Variants in ABL1 observed in about 807,000 individuals in gnomAD.
ABL1 encodes ABL proto-oncogene 1, non-receptor tyrosine kinase.
A neutral mutation model predicts 94.7 loss-of-function variants in ABL1; 11 were observed. That is an observed-to-expected ratio of 0.12 (90% CI 0.07 to 0.19). The LOEUF (loss-of-function observed/expected upper bound fraction) is 0.19. Among genes scored for constraint, ABL1 ranks in the 10% least tolerant of loss-of-function variants. The pLI is 1.00. For missense variants in ABL1, 1,082 were observed against 1,489.4 expected, an observed-to-expected ratio of 0.73 and a Z score of 4.50; for synonymous variants, 656 against 622.4, an observed-to-expected ratio of 1.05 and a Z score of -0.80.
chr9:130,871,017 C>G (rs1343665423), intron 4 of ABL1, among the ~76,000 whole-genome samples: 1 of 152,170 alleles, frequency 6.6e-6, no homozygotes, highest in African/African-American at 2.4e-5. Flanking sequence ...ATACAAGGTT[C>G]TACGTTTAAT....
rs767096186 is a variant in ABL1 at position 130,862,831 on chromosome 9, C to T, written c.618C>T (p.Ala206=). The change falls in exon 4 of 11, where the codon GCC becomes GCT. Residue 206 remains alanine (A), a synonymous_variant. Coordinates refer to ENST00000318560, the MANE Select transcript of ABL1 (RefSeq NM_005157.6). This position sits in a 1 kb window ranked among gnomAD's most constrained non-coding sequence, Gnocchi z 5.5. Reference sequence around the variant, plus strand: ...TGGTTCATCATCATTCAACGGTGGCCGACGGGCTCATCACCACGCTCCATT... The same window carrying T: ...TGGTTCATCATCATTCAACGGTGGCTGACGGGCTCATCACCACGCTCCATT... ...AELVHHHSTV[A]DGLITTLHYP... is the part of the protein sequence containing the mutation. The T allele has an allele frequency of 5.6e-6, 9 of 1,613,908 alleles. No homozygotes were observed. Among genetic ancestry groups the T allele is most frequent in the East Asian group, 2.2e-5 (1 of 44,880 alleles).
intron 1 of ABL1, among the ~76,000 whole-genome samples, chr9:130,754,365 A>C (rs7021173): frequency 2.0e-5 from 3 of 148,700 alleles, no homozygotes; most frequent in South Asian, 4.2e-4. Context: ...AAAATTAGCC[A>C]GGCGTGGTGG....
intron 1 of ABL1, among the ~76,000 whole-genome samples, chr9:130,745,234 G>A (rs969419138): frequency 6.6e-5 from 10 of 151,776 alleles, no homozygotes; most frequent in South Asian, 2.1e-4. Flanking sequence ...ACAGGCATGC[G>A]CCGCCACACC....
Position 130,835,669 on chromosome 9 carries a change from CT to C in ABL1, c.79+145del. On this transcript the variant is annotated intron_variant, in intron 1 of 10. Coordinates refer to ENST00000318560, the MANE Select transcript of ABL1 (RefSeq NM_005157.6). This position sits in a 1 kb window ranked among gnomAD's most constrained non-coding sequence, Gnocchi z 4.6. Reference sequence around the variant, plus strand: ...TTTTTTCTTTCTTCCCTCTTCTCTTCTCTTCTCTTCAGTTCTCTTATATTCT... The same window carrying C: ...TTTTTTCTTTCTTCCCTCTTCTCTTCCTTCTCTTCAGTTCTCTTATATTCT... 1 of 573,960 alleles carries C rather than the reference CT, an allele frequency of 1.7e-6. No individual in the cohort carries two copies. The highest frequency in any genetic ancestry group is 2.0e-5 in the South Asian group (1 of 49,114). The allele number at this position is 573,960 out of a possible 1,614,324, so 35.6% of individuals were successfully genotyped here. A position where few individuals can be genotyped will look rare whatever the true frequency, so the allele number is the denominator to read the frequency against.
chr9:130,830,885 G>T (rs559163986), upstream of ABL1, among the ~76,000 whole-genome samples: 217 of 152,242 alleles, frequency 1.4e-3, no homozygotes, highest in African/African-American at 5.1e-3. Context: ...GAGACTCAGC[G>T]CTAGCCTTTG....
chr9:130,716,133 C>T (rs1404449387), intron 1 of ABL1, among the ~76,000 whole-genome samples: 1 of 126,478 alleles, frequency 7.9e-6, no homozygotes, highest in African/African-American at 2.9e-5. Context: ...GTCACCCAGG[C>T]TGGAGTGCAG....
chr9:130,826,849 C>T (rs558063541), intron 1 of ABL1, among the ~76,000 whole-genome samples: 160 of 152,184 alleles, frequency 1.1e-3, no homozygotes, highest in Non-Finnish European at 1.9e-3. Flanking sequence ...GAGGCCGAGG[C>T]GGGCGGATCA....
At chr9:130,817,198 T>C (rs1830298291) in intron 1 of ABL1, among the ~76,000 whole-genome samples, 1 of 152,186 alleles carries the variant, frequency 6.6e-6, no homozygotes, top group Non-Finnish European at 1.5e-5. Context: ...TTCCTCCCCA[T>C]CTAATTAGGA....
intron 1 of ABL1, among the ~76,000 whole-genome samples, chr9:130,718,292 T>C (rs1588208791): frequency 8.0e-6 from 1 of 124,316 alleles, no homozygotes. Context: ...CACTTCAGCC[T>C]GGGTAACAGA....
intron 1 of ABL1, among the ~76,000 whole-genome samples, chr9:130,812,444 C>T (rs1013337518): frequency 2.0e-5 from 3 of 151,660 alleles, no homozygotes; most frequent in Non-Finnish European, 2.9e-5. Context: ...ATGCTGTCTA[C>T]AGTTATCCCA....
intron 1 of ABL1, among the ~76,000 whole-genome samples, chr9:130,811,878 C>CTGTA (rs780287726): frequency 6.9e-4 from 83 of 120,502 alleles, no homozygotes; most frequent in Non-Finnish European, 1.2e-3. Flanking sequence ...TGCTACTGCA[C>CTGTA]TGTAGTCTGA....
chr9:130,836,824 CAAAA>C (rs565723193), intron 1 of ABL1, among the ~76,000 whole-genome samples: 5,043 of 77,080 alleles, frequency 0.065, 136 homozygotes, highest in Middle Eastern at 0.13. Context: ...GACTCGGTCT[CAAAA>C]AAAAAAAAAA....
chr9:130,717,654 G>A (rs975277334), intron 1 of ABL1, among the ~76,000 whole-genome samples: 7 of 150,326 alleles, frequency 4.7e-5, no homozygotes, highest in Non-Finnish European at 7.4e-5. Context: ...CGTGTCTCTG[G>A]GGGGTAAAAA....
chr9:130,811,325 A>T (rs1174125560), intron 1 of ABL1, among the ~76,000 whole-genome samples: 1 of 152,208 alleles, frequency 6.6e-6, no homozygotes, highest in Non-Finnish European at 1.5e-5. Flanking sequence ...CTGGAGCTAT[A>T]AAAATAAATG....
chr9:130,723,319 C>T (rs1322877221), intron 1 of ABL1, among the ~76,000 whole-genome samples: 5 of 152,032 alleles, frequency 3.3e-5, no homozygotes, highest in East Asian at 1.9e-4. Context: ...CAAGGTGGGA[C>T]GGTCCTCTGA....
In ABL1 at chr9:130,855,101, G is replaced by C. The variant is rs1830951486; in HGVS notation, c.549+5G>C. On this transcript the variant is annotated splice_donor_5th_base_variant and intron_variant, in intron 3 of 10. Coordinates refer to ENST00000318560, the MANE Select transcript of ABL1 (RefSeq NM_005157.6). ...AACACTGCTTCTGATGGCAAGGTAG[G>C]GGACCCTTGGCAGGGGGCGCTGATG... The C allele has an allele frequency of 6.2e-7, 1 of 1,610,016 alleles. No individual in the cohort carries two copies.
At chr9:130,728,777 A>G (rs575692153) in intron 1 of ABL1, among the ~76,000 whole-genome samples, 5 of 151,918 alleles carry the variant, frequency 3.3e-5, no homozygotes. Flanking sequence ...AAATCCTAGA[A>G]GGTATTTGTA....
In ABL1 at chr9:130,884,199, G is replaced by A; in HGVS notation, c.1909G>A (p.Glu637Lys). ...QPERRGAGEE[E>K]GRDISNGALA... is the part of the protein sequence containing the mutation. The stretch of plus-strand genomic sequence containing the variant: ...GGAGCGCAGAGGGGCCGGCGAGGAA[G>A]AGGGCCGAGACATCAGCAACGGGGC... Residue 637 changes from glutamate to lysine, a missense_variant, in exon 11 of 11, where the codon GAG becomes AAG. Physicochemically the swap from Glu to Lys is moderately conservative, Grantham distance 56. Coordinates refer to ENST00000318560, the MANE Select transcript of ABL1 (RefSeq NM_005157.6). The surrounding 1 kb of genome is among the most constrained non-coding windows in gnomAD (Gnocchi z 5.6). 6.2e-7 allele frequency: 1 copy of A among 1,611,512 alleles called. No homozygotes were observed. The highest frequency in any genetic ancestry group is 8.5e-7 in the Non-Finnish European group (1 of 1,179,368).
At chr9:130,729,127 T>C (rs1473879723) in intron 1 of ABL1, among the ~76,000 whole-genome samples, 1 of 152,176 alleles carries the variant, frequency 6.6e-6, no homozygotes, top group African/African-American at 2.4e-5. Context: ...GCCCTTAGAA[T>C]AGAGGGTACT....
Sources: allele counts gnomAD v4.1 joint callset (sites outside exome capture counted in the v4.1 genomes callset), GRCh38; gene constraint gnomAD v4.1.1; non-coding constraint Gnocchi (gnomAD v3.1); transcripts MANE v1.5; gene names NCBI Gene and HGNC (gene_info 2026-07-23, HGNC 2026-07-21).